The following CADM2 variants were observed in gnomAD, a reference collection of about 807,000 sequenced individuals.
The protein encoded by CADM2 is immunoglobulin superfamily member 4D.
A neutral mutation model predicts 49.8 loss-of-function variants in CADM2; 12 were observed. The ratio of observed to expected loss-of-function variants is 0.24; its 90% CI spans 0.15 to 0.39. CADM2 has a LOEUF of 0.39. CADM2 is among the 10% of genes least tolerant of loss of function. CADM2 has a pLI of 1.00. For missense variants in CADM2, 378 were observed against 492.3 expected (o/e 0.77, Z 2.20); for synonymous variants, 214 against 175.4 (o/e 1.22, Z -1.74).
At chr3:85,564,780 A>G (rs2062205851) in intron 1 of CADM2, among the ~76,000 whole-genome samples, 2 of 152,084 alleles carry the variant, frequency 1.3e-5, no homozygotes, top group Non-Finnish European at 2.9e-5. Context: ...TTAATACAAG[A>G]GGTGTACTGA....
chr3:86,009,244 C>A (rs1254784010), intron 8 of CADM2, among the ~76,000 whole-genome samples: 1 of 146,182 alleles, frequency 6.8e-6, no homozygotes, highest in Non-Finnish European at 1.5e-5. Flanking sequence ...TATATATATT[C>A]TTTCCAGTAT....
chr3:85,672,394 G>A (rs554545444), intron 1 of CADM2, among the ~76,000 whole-genome samples: 11 of 151,910 alleles, frequency 7.2e-5, no homozygotes, highest in Admixed American at 1.3e-4. Context: ...GGGTTTCACC[G>A]TGTTAACCGG....
At chr3:86,024,257 T>C (rs560756866) in intron 8 of CADM2, among the ~76,000 whole-genome samples, 8 of 152,214 alleles carry the variant, frequency 5.3e-5, no homozygotes, top group Non-Finnish European at 1.2e-4. Context: ...GACCTACCTT[T>C]CATTGGCAAG....
At position 85,245,928 on chromosome 3, in the gene CADM2, G is replaced by A. The variant is rs112814122; in HGVS notation, c.61+286260G>A. ...TTAATCAAATACCAAAATTCACCTA[G>A]CTAGTCAGTGGTAACTAAAGAACTA... On this transcript the variant is annotated intron_variant, in intron 1 of 9. Transcript: ENST00000383699. Among the ~76,000 whole-genome samples the A allele has an allele frequency of 6.9e-3, 1,048 of 152,196 alleles. 9 individuals are homozygous for A. Among genetic ancestry groups the A allele is most frequent in the African/African-American group, 0.023 (960 of 41,522 alleles).
chr3:84,996,395 C>T (rs941274738), intron 1 of CADM2, among the ~76,000 whole-genome samples: 1 of 151,980 alleles, frequency 6.6e-6, no homozygotes, highest in East Asian at 1.9e-4. Context: ...AATTAATTTA[C>T]TTGTATAAAA....
Position 86,070,094 on chromosome 3 carries a change from A to G in CADM2, c.*3311A>G, listed in dbSNP as rs1739725353. ...AACCTGATATTGGAGTTTAATCTAG[A>G]AACTGGATGATCTCATATTGATTCA... is the stretch of plus-strand genomic sequence containing the variant. On this transcript the variant is annotated 3_prime_UTR_variant, in exon 10 of 10. Transcript: ENST00000383699. 1 of 152,006 alleles carries G rather than the reference A, an allele frequency of 6.6e-6. No individual in the cohort carries two copies. The highest frequency in any genetic ancestry group is 1.5e-5 in the Non-Finnish European group (1 of 67,892). 9.4% of individuals were successfully genotyped at this position (152,006 alleles called of 1,614,324 possible).
chr3:85,441,351 A>G (rs2037193277), intron 1 of CADM2, among the ~76,000 whole-genome samples: 1 of 151,950 alleles, frequency 6.6e-6, no homozygotes, highest in African/African-American at 2.4e-5. Flanking sequence ...AATTAAAATT[A>G]TTGTCAATAT....
chr3:85,451,459 C>A (rs1352597976), intron 1 of CADM2, among the ~76,000 whole-genome samples: 1 of 152,018 alleles, frequency 6.6e-6, no homozygotes, highest in Non-Finnish European at 1.5e-5. Context: ...TTGACCCTCC[C>A]CGGAAGTAAT....
At chr3:85,113,855 A>T (rs910336962) in intron 1 of CADM2, among the ~76,000 whole-genome samples, 1 of 152,080 alleles carries the variant, frequency 6.6e-6, no homozygotes, top group Non-Finnish European at 1.5e-5. Flanking sequence ...ATCTTTCATC[A>T]TAAGTCTCTT....
chr3:85,687,165 G>T (rs912120774), intron 1 of CADM2, among the ~76,000 whole-genome samples: 8 of 152,098 alleles, frequency 5.3e-5, no homozygotes, highest in Admixed American at 2.6e-4. Context: ...TAAATAGGTC[G>T]TATGTCACAA....
At chr3:85,687,724 T>G (rs1452750038) in intron 1 of CADM2, among the ~76,000 whole-genome samples, 1 of 152,130 alleles carries the variant, frequency 6.6e-6, no homozygotes, top group Non-Finnish European at 1.5e-5. Context: ...ATGTGGGTAA[T>G]TAGATGTCTA....
chr3:85,822,737 C>A (rs2073666086), intron 3 of CADM2, among the ~76,000 whole-genome samples: 1 of 152,060 alleles, frequency 6.6e-6, no homozygotes, highest in Non-Finnish European at 1.5e-5. Context: ...TGAAAGAAAT[C>A]AACTCAGGAT....
chr3:85,864,984 C>T (rs2075671852), intron 3 of CADM2, among the ~76,000 whole-genome samples: 1 of 152,144 alleles, frequency 6.6e-6, no homozygotes, highest in African/African-American at 2.4e-5. Flanking sequence ...CACTTAACTC[C>T]CTGGGCTCCC....
chr3:85,766,582 A>T (rs1282918834), intron 2 of CADM2, among the ~76,000 whole-genome samples: 2 of 152,224 alleles, frequency 1.3e-5, no homozygotes, highest in Non-Finnish European at 2.9e-5. Flanking sequence ...ACTCCTGTAC[A>T]CATTTTAGTT....
At chr3:85,466,769 A>T (rs2038512112) in intron 1 of CADM2, among the ~76,000 whole-genome samples, 1 of 151,278 alleles carries the variant, frequency 6.6e-6, no homozygotes, top group Non-Finnish European at 1.5e-5. Context: ...ACCTTGCTGT[A>T]TTTTTTTTTC....
intron 1 of CADM2, among the ~76,000 whole-genome samples, chr3:85,712,187 A>G (rs1009629017): frequency 7.2e-5 from 11 of 152,302 alleles, no homozygotes; most frequent in Middle Eastern, 3.4e-3. Flanking sequence ...TGAATCATGA[A>G]AACTAATTTA....
intron 1 of CADM2, among the ~76,000 whole-genome samples, chr3:85,093,919 T>C (rs897760892): frequency 6.6e-6 from 1 of 151,900 alleles, no homozygotes; most frequent in Non-Finnish European, 1.5e-5. Flanking sequence ...AGGTAAAAGA[T>C]TGAAGGTAAG....
chr3:85,939,155 A>G (rs1231019338), intron 7 of CADM2, among the ~76,000 whole-genome samples: 10 of 152,100 alleles, frequency 6.6e-5, no homozygotes, highest in Non-Finnish European at 1.2e-4. Context: ...GTGACTGTTT[A>G]TGAACAATCA....
At chr3:86,031,420 G>C (rs189103148) in intron 8 of CADM2, among the ~76,000 whole-genome samples, 1 of 151,860 alleles carries the variant, frequency 6.6e-6, no homozygotes, top group African/African-American at 2.4e-5. Flanking sequence ...TATTTGCCCT[G>C]TTCTTAGATT....
Sources: gnomAD v4.1 joint callset for allele counts (sites outside exome capture counted in the v4.1 genomes callset) on GRCh38, gnomAD v4.1.1 for gene constraint, MANE v1.5 for transcripts, NCBI Gene and HGNC (gene_info 2026-07-23, HGNC 2026-07-21) for gene names.